KSR2: variants seen among roughly 807,000 people sequenced by gnomAD.
KSR2 encodes kinase suppressor of ras 2.
In KSR2, 25 loss-of-function variants were observed where a neutral mutation model predicts 107.8. That is an observed-to-expected ratio of 0.23 (90% CI 0.17 to 0.32). The LOEUF (loss-of-function observed/expected upper bound fraction) is 0.32, where lower values mean the gene tolerates loss of function less well. Ranked by LOEUF, KSR2 falls within the 10% of genes least tolerant of loss-of-function variation. The pLI is 1.00. For synonymous variants in KSR2, 480 were observed against 507.0 expected, an observed-to-expected ratio of 0.95 and a Z score of 0.71; for missense variants, 887 against 1,268.9, an observed-to-expected ratio of 0.70 and a Z score of 4.57.
At chr12:117,760,983 C>T in intron 4 of KSR2, 28 bp downstream of exon 4, 1 of 1,611,934 alleles carries the variant, frequency 6.2e-7, no homozygotes, top group Non-Finnish European at 8.5e-7. Flanking sequence ...GTTTCGACCG[C>T]CCCAGGGCAC....
intron 5 of KSR2, among the ~76,000 whole-genome samples, chr12:117,618,892 C>G (rs1459922831): frequency 1.3e-5 from 2 of 152,192 alleles, no homozygotes; most frequent in Admixed American, 1.3e-4. Flanking sequence ...TGGCCACACT[C>G]AAGCCCTCAC....
At chr12:117,743,681 G>A (rs1457759503) in intron 4 of KSR2, among the ~76,000 whole-genome samples, 2 of 152,176 alleles carry the variant, frequency 1.3e-5, no homozygotes, top group Admixed American at 1.3e-4. Context: ...TGGCCAATGG[G>A]TGGCATGGCT....
At chr12:117,785,787 A>T (rs1454368354) in intron 3 of KSR2, among the ~76,000 whole-genome samples, 1 of 152,214 alleles carries the variant, frequency 6.6e-6, no homozygotes, top group Non-Finnish European at 1.5e-5. Flanking sequence ...TGATTTCTTT[A>T]AAAAAGCCCC....
chr12:117,656,983 T>TATATATATATAATAGG (rs1884198801), intron 5 of KSR2, among the ~76,000 whole-genome samples: 3 of 13,062 alleles, frequency 2.3e-4, no homozygotes, highest in Non-Finnish European at 9.2e-4. Context: ...TATAATAGGA[T>TATATATATATAATAGG]ATATATATAT....
At chr12:117,663,921 C>T (rs1487075217) in intron 5 of KSR2, among the ~76,000 whole-genome samples, 2 of 152,134 alleles carry the variant, frequency 1.3e-5, no homozygotes, top group Non-Finnish European at 2.9e-5. Flanking sequence ...GCATGGTGGC[C>T]CACCCAAATG....
intron 1 of KSR2, among the ~76,000 whole-genome samples, chr12:117,918,742 C>T (rs898019505): frequency 6.6e-5 from 10 of 150,568 alleles, no homozygotes; most frequent in African/African-American, 2.5e-4. Context: ...GAGCCAAGAT[C>T]GCGCCACTGC....
At chr12:117,632,305 A>C (rs1593071684) in intron 5 of KSR2, among the ~76,000 whole-genome samples, 1 of 141,270 alleles carries the variant, frequency 7.1e-6, no homozygotes, top group Non-Finnish European at 1.5e-5. Context: ...GTTCACTGCA[A>C]CCTCCACCTC....
chr12:117,894,723 G>A (rs1452188940), intron 1 of KSR2, among the ~76,000 whole-genome samples: 2 of 44,604 alleles, frequency 4.5e-5, no homozygotes, highest in Non-Finnish European at 7.9e-5. Context: ...CCCCCTTCCC[G>A]TCCCCATCTC....
intron 3 of KSR2, among the ~76,000 whole-genome samples, chr12:117,845,674 TTTTC>T (rs949168331): frequency 2.7e-5 from 4 of 150,468 alleles, no homozygotes; most frequent in Admixed American, 1.3e-4. Context: ...CTGAGACTCT[TTTTC>T]TTTCTTTTTT....
chr12:117,474,808 T>C (rs933661813), intron 17 of KSR2, among the ~76,000 whole-genome samples: 1 of 152,174 alleles, frequency 6.6e-6, no homozygotes, highest in Non-Finnish European at 1.5e-5. Context: ...CAGCTGTGTT[T>C]TGGTGGTTTC....
At position 117,539,907 on chromosome 12, in the gene KSR2, T is replaced by A. The variant is rs746889297; in HGVS notation, c.1519-20A>T. The A allele has an allele frequency of 6.3e-7, 1 of 1,584,432 alleles. No homozygotes were observed. Among genetic ancestry groups the A allele is most frequent in the East Asian group, 2.3e-5 (1 of 42,558 alleles). Reference sequence around the variant, plus strand: ...GTGGTCCTGCAGAGAGAAAACAGGGTAGGAGTCAGGGACAGGCAGGGAAGC... The same window carrying A: ...GTGGTCCTGCAGAGAGAAAACAGGGAAGGAGTCAGGGACAGGCAGGGAAGC... On this transcript the variant is annotated intron_variant, in intron 9 of 19. Transcript: ENST00000339824.
intron 1 of KSR2, among the ~76,000 whole-genome samples, chr12:117,876,833 T>C (rs1307841405): frequency 6.6e-6 from 1 of 151,378 alleles, no homozygotes; most frequent in Non-Finnish European, 1.5e-5. Context: ...CCGAAATACT[T>C]GGGATCAGAC....
intron 4 of KSR2, among the ~76,000 whole-genome samples, chr12:117,680,348 C>A (rs919224386): frequency 6.6e-6 from 1 of 152,236 alleles, no homozygotes; most frequent in African/African-American, 2.4e-5. Context: ...TTCTTCTCAT[C>A]AGCCATTACA....
At chr12:117,782,735 C>T (rs1034154087) in intron 3 of KSR2, among the ~76,000 whole-genome samples, 1 of 152,080 alleles carries the variant, frequency 6.6e-6, no homozygotes, top group East Asian at 1.9e-4. Flanking sequence ...AGCTACAAAC[C>T]TCCTAAGTGA....
intron 5 of KSR2, among the ~76,000 whole-genome samples, chr12:117,650,975 A>G (rs1883881179): frequency 6.6e-6 from 1 of 152,212 alleles, no homozygotes; most frequent in African/African-American, 2.4e-5. Flanking sequence ...AGGTGCATGC[A>G]CAGCCTCACC....
intron 14 of KSR2, among the ~76,000 whole-genome samples, chr12:117,514,997 T>C (rs552292373): frequency 3.3e-5 from 5 of 152,328 alleles, no homozygotes; most frequent in African/African-American, 1.2e-4. Flanking sequence ...CTTGTCCATC[T>C]GCCTAATTAC....
chr12:117,882,728 C>G (rs1486066819), intron 1 of KSR2, among the ~76,000 whole-genome samples: 1 of 147,856 alleles, frequency 6.8e-6, no homozygotes, highest in Non-Finnish European at 1.5e-5. Flanking sequence ...CATCCAACCA[C>G]CCACCCAACC....
chr12:117,557,988 C>T lies in KSR2; in HGVS notation c.1393+518G>A, dbSNP rs554510881. ...GCAGTGGAATCCTGGTAGCGGCTCT[C>T]CCAGGGCTGCTACTTCCCTATGTGG... On this transcript the variant is annotated intron_variant, in intron 8 of 19. Coordinates refer to ENST00000339824, the MANE Select transcript of KSR2 (RefSeq NM_173598.6). 3.3e-5 allele frequency among the ~76,000 whole-genome samples: 5 copies of T among 152,258 alleles called. No homozygotes were observed. In the South Asian group the frequency reaches 8.3e-4, roughly 25 times the overall value.
chr12:117,521,838 A>T (rs1333287064), intron 14 of KSR2, among the ~76,000 whole-genome samples: 1 of 152,212 alleles, frequency 6.6e-6, no homozygotes, highest in Non-Finnish European at 1.5e-5. Flanking sequence ...TGATTAATCA[A>T]ATTACTCAAA....
Sources: gnomAD v4.1 joint callset for allele counts (sites outside exome capture counted in the v4.1 genomes callset) on GRCh38, gnomAD v4.1.1 for gene constraint, MANE v1.5 for transcripts, NCBI Gene and HGNC (gene_info 2026-07-23, HGNC 2026-07-21) for gene names.